DNAH17: variants seen among roughly 807,000 people sequenced by gnomAD.
The protein encoded by DNAH17 is dynein axonemal heavy chain 17, also known as axonemal beta dynein heavy chain 17.
DNAH17 carries 376 observed loss-of-function variants against 485.6 expected under a neutral mutation model. The observed-to-expected ratio is 0.77, with a 90% CI of 0.71 to 0.84. The LOEUF is 0.84. Among genes scored for constraint, DNAH17 ranks in the 40% least tolerant of loss-of-function variants. DNAH17 has a pLI of 0.00. For missense variants in DNAH17, 6,370 were observed against 5,839.3 expected (o/e 1.09, Z -2.96); for synonymous variants, 3,031 against 2,405.9 (o/e 1.26, Z -7.60).
At position 78,507,742 on chromosome 17, in the gene DNAH17, T is replaced by C. The variant is rs749775673; in HGVS notation, c.4300A>G (p.Thr1434Ala). Residue 1434 changes from threonine (T) to alanine (A), a missense_variant, in exon 28 of 81, where the codon ACA becomes GCA. Thr to Ala is a moderately conservative substitution (Grantham distance 58). Coordinates refer to ENST00000389840, the MANE Select transcript of DNAH17 (RefSeq NM_173628.4). ...CTGGACTTGAGCATCATGGTGCCTG[T>C]CCGCGGGTGCGGCTCGTGCTGGAAT... is the stretch of plus-strand genomic sequence containing the variant. ...MEFQHEPHPRTGTMMLKSSEV... is the reference protein window; with the variant it reads ...MEFQHEPHPRAGTMMLKSSEV... 9 of 1,602,610 alleles carry C rather than the reference T, an allele frequency of 5.6e-6. No individual in the cohort carries two copies. Among genetic ancestry groups the C allele is most frequent in the Admixed American group, 1.7e-5 (1 of 59,572 alleles).
intron 15 of DNAH17, among the ~76,000 whole-genome samples, chr17:78,552,104 G>A (rs538622526): frequency 3.3e-5 from 5 of 152,198 alleles, no homozygotes; most frequent in African/African-American, 1.2e-4. Flanking sequence ...TCTCTGAAAT[G>A]AAATGCCAAG....
rs1568089587 is a variant in DNAH17, at chr17:78,462,938, T to C, written c.9080A>G (p.Tyr3027Cys). ...TCTCTTCTTGGCCAGCAGGTTCTGG[T>C]ACAGTTTGATCTGCTCCAGAAAGGT... is the stretch of plus-strand genomic sequence containing the variant. ...PKTFLEQIKL[Y>C]QNLLAKKRTE... Residue 3027 changes from tyrosine (Y) to cysteine (C), a missense_variant, in exon 57 of 81, where the codon TAC (tyrosine) becomes TGC (cysteine). Tyr to Cys is a radical substitution (Grantham distance 194). Coordinates refer to ENST00000389840, the MANE Select transcript of DNAH17 (RefSeq NM_173628.4). The C allele has an allele frequency of 1.2e-6, 2 of 1,613,992 alleles. No individual in the cohort carries two copies. Among genetic ancestry groups the C allele is most frequent in the Non-Finnish European group, 8.5e-7 (1 of 1,179,886 alleles).
intron 21 of DNAH17, among the ~76,000 whole-genome samples, chr17:78,530,020 T>G (rs2091187564): frequency 6.6e-6 from 1 of 152,242 alleles, no homozygotes; most frequent in South Asian, 2.1e-4. Context: ...ATCATGGCCC[T>G]GATGGCCGCC....
chr17:78,501,735 C>G lies in DNAH17; in HGVS notation c.5322+7G>C. On this transcript the variant is annotated splice_region_variant and intron_variant, in intron 34 of 80. Transcript: ENST00000389840. ...TCCCCTGGCCCCTGGGACAGGGGCG[C>G]TCATGCCTTGGCCACGATCATTTTG... 1 of 1,612,130 alleles carries G rather than the reference C, an allele frequency of 6.2e-7. No individual in the cohort carries two copies. The highest frequency in any genetic ancestry group is 8.5e-7 in the Non-Finnish European group (1 of 1,179,700).
chr17:78,570,724 G>A (rs1429792988), intron 6 of DNAH17, among the ~76,000 whole-genome samples: 1 of 151,748 alleles, frequency 6.6e-6, no homozygotes, highest in African/African-American at 2.4e-5. Context: ...TGGGCATGGT[G>A]GCACATGCCT....
At chr17:78,455,076 A>AT (rs1182664697) in intron 63 of DNAH17, among the ~76,000 whole-genome samples, 10 of 152,078 alleles carry the variant, frequency 6.6e-5, no homozygotes, top group Middle Eastern at 3.4e-3. Flanking sequence ...TGCCCAGCTA[A>AT]TTTTCGTAGT....
intron 16 of DNAH17, among the ~76,000 whole-genome samples, chr17:78,548,282 G>A (rs968731890): frequency 1.7e-4 from 23 of 133,270 alleles, no homozygotes; most frequent in East Asian, 2.2e-4. Context: ...TCGGCTCACT[G>A]CAAGCTCCGC....
chr17:78,433,995 T>C lies in DNAH17; in HGVS notation c.12225+34A>G, dbSNP rs556056888. 83 of 1,240,796 alleles carry C rather than the reference T, an allele frequency of 6.7e-5. 3 individuals carry two copies. The South Asian group carries it at 1.5e-3, about 22-fold the overall frequency. 76.9% of individuals were successfully genotyped at this position (1,240,796 alleles called of 1,614,324 possible). Reference sequence around the variant, plus strand: ...AGGGAAGGAGGGAAAGAGGGAGGGATATGTCCAAGTACAGGGCACACACAG... The same window carrying C: ...AGGGAAGGAGGGAAAGAGGGAGGGACATGTCCAAGTACAGGGCACACACAG... On this transcript the variant is annotated intron_variant, in intron 75 of 80. Coordinates refer to ENST00000389840, the MANE Select transcript of DNAH17 (RefSeq NM_173628.4).
intron 30 of DNAH17, among the ~76,000 whole-genome samples, chr17:78,506,140 A>AT (rs66859821): frequency 0.37 from 46,817 of 127,352 alleles, 9,642 homozygotes; most frequent in Middle Eastern, 0.44. Context: ...CACCTAGTTA[A>AT]TTTTTTTTTT....
chr17:78,467,901 C>G (rs767473356), intron 55 of DNAH17, among the ~76,000 whole-genome samples: 1 of 151,818 alleles, frequency 6.6e-6, no homozygotes, highest in Non-Finnish European at 1.5e-5. Flanking sequence ...ACCTGTAATC[C>G]CAGCTACTCA....
At chr17:78,524,603 C>T (rs937944801) in intron 25 of DNAH17, among the ~76,000 whole-genome samples, 16 of 123,326 alleles carry the variant, frequency 1.3e-4, no homozygotes, top group East Asian at 1.2e-3. Flanking sequence ...GCCTCCAGAA[C>T]GGTGAGGAAT....
chr17:78,440,195 A>G (rs1374204510), intron 72 of DNAH17, among the ~76,000 whole-genome samples: 2 of 142,046 alleles, frequency 1.4e-5, no homozygotes, highest in Admixed American at 7.1e-5. Flanking sequence ...TCAGACTCCC[A>G]AAGTTCTGGG....
intron 47 of DNAH17, 165 bp from the exon 48 acceptor site, chr17:78,485,198 G>C: frequency 2.4e-6 from 2 of 830,196 alleles, no homozygotes; most frequent in Middle Eastern, 3.6e-4. Flanking sequence ...AGGGGGCACC[G>C]GGTACAGCCC....
Position 78,481,787 on chromosome 17 carries a change from G to A in DNAH17, c.7650-1001C>T, listed in dbSNP as rs146738372. The stretch of plus-strand genomic sequence containing the variant: ...CCTAGCACTTTGGGAGGCTGAGATG[G>A]GCAGATCACTTGAGGTCAGGAGATC... On this transcript the variant is annotated intron_variant, in intron 48 of 80. Transcript: ENST00000389840. Among the ~76,000 whole-genome samples the A allele has an allele frequency of 6.3e-3, 953 of 152,244 alleles. 8 individuals are homozygous for A. The highest frequency in any genetic ancestry group is 0.011 in the Non-Finnish European group (739 of 68,026).
intron 38 of DNAH17, 53 bp from the exon 39 acceptor site, chr17:78,495,150 C>T: frequency 2.6e-6 from 4 of 1,524,004 alleles, no homozygotes; most frequent in Non-Finnish European, 3.5e-6. Context: ...CCCCAACCTA[C>T]ACCCCTGCCT....
chr17:78,439,086 G>C lies in DNAH17; in HGVS notation c.11805+4C>G. The C allele has an allele frequency of 6.2e-7, 1 of 1,612,740 alleles. No homozygotes were observed. The highest frequency in any genetic ancestry group is 8.5e-7 in the Non-Finnish European group (1 of 1,179,620). On this transcript the variant is annotated splice_donor_region_variant and intron_variant, in intron 73 of 80. Transcript: ENST00000389840. ...CTTACCCTGCAGTGCTGGCCCCCTC[G>C]TACCTGCAGAATGACCCAGTGTCCT...
chr17:78,501,718 C>A, intron 34 of DNAH17, 24 bp downstream of exon 34: 1 of 1,608,718 alleles, frequency 6.2e-7, no homozygotes, highest in Non-Finnish European at 8.5e-7. Context: ...CTTCCCCTGG[C>A]CCCTGGGACA....
In DNAH17 at chr17:78,424,044, C is replaced by T; in HGVS notation, c.13251G>A (p.Glu4417=). The change falls in exon 81 of 81, where the codon GAG becomes GAA. Residue 4417 remains glutamate, a synonymous_variant. Coordinates refer to ENST00000389840, the MANE Select transcript of DNAH17 (RefSeq NM_173628.4). ...FIKAIPVDRM[E]TKNIYECPVY... Reference sequence around the variant, plus strand: ...CGGGACACTCATAGATGTTCTTGGTCTCCATGCGGTCCACAGGAATGGCCT... The same window carrying T: ...CGGGACACTCATAGATGTTCTTGGTTTCCATGCGGTCCACAGGAATGGCCT... The T allele has an allele frequency of 6.2e-7, 1 of 1,614,060 alleles. No homozygotes were observed. The highest frequency in any genetic ancestry group is 8.5e-7 in the Non-Finnish European group (1 of 1,179,910).
rs765818142 is a variant in DNAH17, at chr17:78,426,920, G to A, written c.12771+6C>T. On this transcript the variant is annotated splice_donor_region_variant and intron_variant, in intron 78 of 80. Coordinates refer to ENST00000389840, the MANE Select transcript of DNAH17 (RefSeq NM_173628.4). ...CGTCCCTGGGGCCGGGCTGACCCAT[G>A]TTTACCTTCAGCCCCAGGTTCAGCT... 1 of 1,598,438 alleles carries A rather than the reference G, an allele frequency of 6.3e-7. No individual in the cohort carries two copies. Among genetic ancestry groups the A allele is most frequent in the Non-Finnish European group, 8.5e-7 (1 of 1,172,400 alleles).
Sources: allele counts gnomAD v4.1 joint callset (sites outside exome capture counted in the v4.1 genomes callset), GRCh38; gene constraint gnomAD v4.1.1; transcripts MANE v1.5; gene names NCBI Gene and HGNC (gene_info 2026-07-23, HGNC 2026-07-21).